Variants in RGS3 observed in about 807,000 individuals in gnomAD.
RGS3 encodes the protein regulator of G-protein signalling 3.
Under a neutral mutation model 132.6 loss-of-function variants are expected in RGS3, and 80 were observed. The observed-to-expected ratio is 0.60, with a 90% CI of 0.50 to 0.73. The LOEUF (loss-of-function observed/expected upper bound fraction) is 0.73, where lower values mean the gene tolerates loss of function less well. Ranked by LOEUF, RGS3 falls within the 30% of genes least tolerant of loss-of-function variation. The pLI, the probability that RGS3 is intolerant of heterozygous loss-of-function variation, is 0.00. For missense variants in RGS3, 1,382 were observed against 1,530.8 expected (o/e 0.90, Z 1.62); for synonymous variants, 598 against 620.6 (o/e 0.96, Z 0.54).
At chr9:113,594,894 C>T (rs1345656984) in intron 22 of RGS3, 25 bp from the exon 21 acceptor site, 1 of 1,611,876 alleles carries the variant, frequency 6.2e-7, no homozygotes, top group Non-Finnish European at 8.5e-7. Context: ...AGTGCCCTCA[C>T]TGTGTTTCCT....
At chr9:113,531,826 C>A (rs1425735705) in intron 18 of RGS3, among the ~76,000 whole-genome samples, 1 of 152,184 alleles carries the variant, frequency 6.6e-6, no homozygotes, top group Non-Finnish European at 1.5e-5. Context: ...GCTTTCCTTC[C>A]TACCTATGTC....
At chr9:113,491,709 C>T (rs1830528446) in intron 7 of RGS3, among the ~76,000 whole-genome samples, 2 of 151,826 alleles carry the variant, frequency 1.3e-5, no homozygotes, top group Admixed American at 1.3e-4. Context: ...CGCATGCCAC[C>T]ACGCTTGGCT....
chr9:113,505,395 C>G, intron 10 of RGS3, 47 bp from the exon 9 acceptor site: 1 of 1,571,558 alleles, frequency 6.4e-7, no homozygotes. Context: ...GGGGTAGAGG[C>G]AAGAGCCTCC....
chr9:113,478,090 T>C (rs993714218), intron 3 of RGS3, among the ~76,000 whole-genome samples: 8 of 152,204 alleles, frequency 5.3e-5, no homozygotes, highest in Admixed American at 2.0e-4. Context: ...TCCTGTTTTT[T>C]CTTTTTTTAA....
At chr9:113,595,551 A>G (rs200204260) in intron 23 of RGS3, 48 bp from the exon 22 acceptor site, 3 of 1,597,484 alleles carry the variant, frequency 1.9e-6, no homozygotes, top group Non-Finnish European at 2.6e-6. Flanking sequence ...TCTTAAGGGC[A>G]GGAGAGGCTG....
intron 19 of RGS3, among the ~76,000 whole-genome samples, chr9:113,557,609 A>G (rs953244602): frequency 2.0e-5 from 3 of 152,178 alleles, no homozygotes; most frequent in African/African-American, 4.8e-5. Context: ...GATGTCGTCT[A>G]CTTCTCGGCT....
intron 19 of RGS3, among the ~76,000 whole-genome samples, chr9:113,554,770 G>A (rs1009320455): frequency 9.2e-5 from 14 of 152,006 alleles, no homozygotes; most frequent in Non-Finnish European, 7.4e-5. Flanking sequence ...TATTTTTCTA[G>A]TTTGTCATTT....
intron 22 of RGS3, 73 bp from the exon 21 acceptor site, chr9:113,594,846 C>T (rs192116464): frequency 1.8e-5 from 26 of 1,465,482 alleles, no homozygotes; most frequent in Middle Eastern, 1.7e-4. Context: ...AAACAAAGGC[C>T]GCCTGGCCCA....
Position 113,524,594 on chromosome 9 carries a change from G to A in RGS3, c.1870+1553G>A, listed in dbSNP as rs1832114815. ...GAAGGTAGTAGAGGAGCTGAGGGCA[G>A]TGGCTGGGAGTCTGGGATCTGGGCG... On this transcript the variant is annotated intron_variant, in intron 17 of 24. Coordinates refer to ENST00000350696, the Ensembl canonical transcript of RGS3. 2.0e-5 allele frequency among the ~76,000 whole-genome samples: 3 copies of A among 152,252 alleles called. No homozygotes were observed. In the South Asian group the frequency reaches 6.2e-4, roughly 31 times the overall value.
At chr9:113,543,908 C>A (rs1833002007) in intron 19 of RGS3, among the ~76,000 whole-genome samples, 1 of 152,214 alleles carries the variant, frequency 6.6e-6, no homozygotes, top group Admixed American at 6.5e-5. Context: ...TGAGCCACAG[C>A]ACCATTGCTG....
At chr9:113,514,290 C>T (rs1831542043) in intron 14 of RGS3, among the ~76,000 whole-genome samples, 168 bp from the exon 13 acceptor site, 1 of 152,098 alleles carries the variant, frequency 6.6e-6, no homozygotes, top group Non-Finnish European at 1.5e-5. Flanking sequence ...AAGCCCGAGC[C>T]CATGTGAAGC....
chr9:113,488,727 G>A (rs144579473), intron 7 of RGS3, among the ~76,000 whole-genome samples: 15 of 152,334 alleles, frequency 9.8e-5, no homozygotes, highest in East Asian at 1.9e-4. Context: ...CCAAACTCAC[G>A]GTCACAGTCC....
At chr9:113,526,776 C>T (rs550622881) in intron 17 of RGS3, among the ~76,000 whole-genome samples, 3 of 152,130 alleles carry the variant, frequency 2.0e-5, no homozygotes, top group African/African-American at 4.8e-5. Flanking sequence ...TTGCGGGAAG[C>T]GAGGTCCACT....
At chr9:113,517,262 C>T (rs1179714842) in intron 15 of RGS3, 4 of 581,040 alleles carry the variant, frequency 6.9e-6, no homozygotes, top group African/African-American at 5.5e-5. Context: ...TGCAGAGGGC[C>T]TAAGCCTGTG....
chr9:113,458,572 CT>C (rs1829408712), upstream of RGS3, among the ~76,000 whole-genome samples: 2 of 152,058 alleles, frequency 1.3e-5, no homozygotes, highest in South Asian at 4.1e-4. Context: ...TAGATGTATT[CT>C]ATTTAGCCTT....
At chr9:113,539,674 G>A (rs1832822419) in intron 19 of RGS3, among the ~76,000 whole-genome samples, 1 of 152,150 alleles carries the variant, frequency 6.6e-6, no homozygotes, top group South Asian at 2.1e-4. Flanking sequence ...TCTGGGAAAA[G>A]GGGGTTTGTA....
At chr9:113,453,033 AATAT>A (rs533813905) in intron 1 of RGS3, among the ~76,000 whole-genome samples, 1 of 132,318 alleles carries the variant, frequency 7.6e-6, no homozygotes, top group South Asian at 2.2e-4. Context: ...TATAATATAT[AATAT>A]ATATAATATA....
At chr9:113,580,587 C>G (rs536899954) in intron 19 of RGS3, 1 of 162,314 alleles carries the variant, frequency 6.2e-6, no homozygotes, top group Non-Finnish European at 1.3e-5. Flanking sequence ...CCATTGGGAT[C>G]AAAATCAGCC....
At chr9:113,569,581 CCTTCCT>C (rs1834178251) in intron 19 of RGS3, among the ~76,000 whole-genome samples, 3 of 77,350 alleles carry the variant, frequency 3.9e-5, no homozygotes, top group Admixed American at 3.6e-4. Flanking sequence ...TTCCTTCTTT[CCTTCCT>C]TCCTTCCTTC....
Sources: gnomAD v4.1 joint callset for allele counts (sites outside exome capture counted in the v4.1 genomes callset) on GRCh38, gnomAD v4.1.1 for gene constraint, MANE v1.5 for transcripts, NCBI Gene and HGNC (gene_info 2026-07-23, HGNC 2026-07-21) for gene names.